The following GRK5 variants were observed in gnomAD, a reference collection of about 807,000 sequenced individuals.
The protein encoded by GRK5 is g protein-coupled receptor kinase GRK5.
In GRK5, 40 loss-of-function variants were observed where a neutral mutation model predicts 78.4. That is an observed-to-expected ratio of 0.51 (90% confidence interval 0.40 to 0.66). The LOEUF (loss-of-function observed/expected upper bound fraction) is 0.66. Ranked by LOEUF, GRK5 falls within the 30% of genes least tolerant of loss-of-function variation. The pLI is 0.00. For synonymous variants in GRK5, 289 were observed against 296.8 expected, an observed-to-expected ratio of 0.97 and a Z score of 0.27; for missense variants, 598 against 759.9, an observed-to-expected ratio of 0.79 and a Z score of 2.50.
chr10:119,397,735 G>A (rs977272131), intron 4 of GRK5, among the ~76,000 whole-genome samples: 5 of 152,222 alleles, frequency 3.3e-5, no homozygotes, highest in Admixed American at 2.6e-4. Flanking sequence ...TGCACCAAAT[G>A]TAGCCCTCGT....
At chr10:119,376,439 A>G (rs1278918666) in intron 2 of GRK5, among the ~76,000 whole-genome samples, 3 of 152,344 alleles carry the variant, frequency 2.0e-5, no homozygotes, top group African/African-American at 7.2e-5. Context: ...ATCAAAAAGC[A>G]GGAGACCTCA....
chr10:119,228,086 G>A (rs1196174802), intron 1 of GRK5, among the ~76,000 whole-genome samples: 1 of 152,080 alleles, frequency 6.6e-6, no homozygotes, highest in Non-Finnish European at 1.5e-5. Flanking sequence ...AATAAATCCT[G>A]GCATATTCAA....
chr10:119,259,771 G>C (rs1849342983), intron 1 of GRK5, among the ~76,000 whole-genome samples: 1 of 152,212 alleles, frequency 6.6e-6, no homozygotes, highest in African/African-American at 2.4e-5. Context: ...AAGGAACTGA[G>C]TTTTTAATTT....
chr10:119,426,564 GAGATA>G (rs1331143275), intron 6 of GRK5, among the ~76,000 whole-genome samples: 1 of 152,198 alleles, frequency 6.6e-6, no homozygotes, highest in African/African-American at 2.4e-5. Flanking sequence ...GGCTGAGGAG[GAGATA>G]AGATAAGCAC....
chr10:119,361,980 AAAAAAAAAAAGAATT>A (rs1331269298), intron 2 of GRK5, among the ~76,000 whole-genome samples: 1 of 140,924 alleles, frequency 7.1e-6, no homozygotes, highest in East Asian at 2.0e-4. Context: ...AAAAAAAAAA[AAAAAAAAAAAGAATT>A]GAAAGGCAGC....
intron 3 of GRK5, among the ~76,000 whole-genome samples, chr10:119,382,447 A>G (rs1564912269): frequency 6.6e-6 from 1 of 152,226 alleles, no homozygotes; most frequent in Non-Finnish European, 1.5e-5. Flanking sequence ...AGCTATAAAA[A>G]GTAAAAGTCG....
At chr10:119,365,359 C>T (rs1020838745) in intron 2 of GRK5, among the ~76,000 whole-genome samples, 3 of 152,138 alleles carry the variant, frequency 2.0e-5, no homozygotes, top group East Asian at 1.9e-4. Context: ...GATTAAAAAA[C>T]GTCTACTTGG....
At chr10:119,312,147 G>A (rs1405937464) in intron 1 of GRK5, among the ~76,000 whole-genome samples, 1 of 152,212 alleles carries the variant, frequency 6.6e-6, no homozygotes, top group African/African-American at 2.4e-5. Context: ...TCCTGACCTC[G>A]TGTGGTGATC....
rs1167740030 is a variant in GRK5 at position 119,455,918 on chromosome 10, C to T, written c.*851C>T. The T allele has an allele frequency of 6.5e-6, 1 of 153,520 alleles. No individual in the cohort carries two copies. Among genetic ancestry groups the T allele is most frequent in the East Asian group, 1.9e-4 (1 of 5,220 alleles). 9.5% of individuals were successfully genotyped at this position (153,520 alleles called of 1,614,324 possible). A position where few individuals can be genotyped will look rare whatever the true frequency, so the allele number is the denominator to read the frequency against. On this transcript the variant is annotated 3_prime_UTR_variant, in exon 16 of 16. Transcript: ENST00000392870. ...TTGCAGCCTGGTGGGCGATGGGCCT[C>T]TTTCCTTCTAAGCAGGTCCTGACTG...
intron 1 of GRK5, among the ~76,000 whole-genome samples, chr10:119,312,494 A>G (rs1281886401): frequency 6.6e-6 from 1 of 152,184 alleles, no homozygotes; most frequent in African/African-American, 2.4e-5. Context: ...ATGAAGTTTT[A>G]TGGGAATACA....
intron 1 of GRK5, among the ~76,000 whole-genome samples, chr10:119,240,556 T>G (rs1253924824): frequency 1.3e-5 from 2 of 152,064 alleles, no homozygotes; most frequent in Non-Finnish European, 2.9e-5. Context: ...ATCTATTGTG[T>G]TTTTGATTTG....
intron 1 of GRK5, among the ~76,000 whole-genome samples, chr10:119,240,133 C>A (rs553856997): frequency 1.3e-5 from 2 of 150,150 alleles, no homozygotes; most frequent in Non-Finnish European, 3.0e-5. Flanking sequence ...ACATTCCCAC[C>A]AACAGTGTAA....
intron 1 of GRK5, among the ~76,000 whole-genome samples, chr10:119,210,941 G>A (rs1220272693): frequency 6.6e-6 from 1 of 152,090 alleles, no homozygotes; most frequent in Non-Finnish European, 1.5e-5. Flanking sequence ...AAGTCTTACC[G>A]TAATAAGACA....
chr10:119,315,803 G>T (rs11198872), intron 1 of GRK5, among the ~76,000 whole-genome samples: 5,834 of 152,272 alleles, frequency 0.038, 230 homozygotes, highest in East Asian at 0.21. Context: ...TGCAGTCACT[G>T]CGACACCTGA....
intron 1 of GRK5, among the ~76,000 whole-genome samples, chr10:119,318,618 C>T (rs4752285): frequency 0.69 from 105,257 of 151,874 alleles, 38,080 homozygotes; most frequent in Non-Finnish European, 0.79. Flanking sequence ...GGCTGTAGGC[C>T]GCTCACTGCT....
chr10:119,330,305 C>T (rs1347144950), intron 2 of GRK5: 2 of 141,846 alleles, frequency 1.4e-5, no homozygotes, highest in East Asian at 4.3e-4. Flanking sequence ...GATCTGATGT[C>T]CTCATCAGTT....
At chr10:119,403,936 G>T (rs1390710438) in intron 4 of GRK5, among the ~76,000 whole-genome samples, 1 of 152,090 alleles carries the variant, frequency 6.6e-6, no homozygotes, top group East Asian at 1.9e-4. Context: ...TGTCCAACCT[G>T]CTTCTATTTT....
At position 119,267,682 on chromosome 10, in the gene GRK5, A is replaced by G. The variant is rs1295485129; in HGVS notation, c.53-58834A>G. Among the ~76,000 whole-genome samples the G allele has an allele frequency of 6.6e-6, 1 of 152,202 alleles. No homozygotes were observed. The highest frequency in any genetic ancestry group is 6.5e-5 in the Admixed American group (1 of 15,288). The stretch of plus-strand genomic sequence containing the variant: ...GAGGTCCAGCACCGCTCGTGGACCC[A>G]AACTGTCCTCCAGGAAAGGCGGGAG... On this transcript the variant is annotated intron_variant, in intron 1 of 15. Coordinates refer to ENST00000392870, the MANE Select transcript of GRK5 (RefSeq NM_005308.3). This position sits in a 1 kb window ranked among gnomAD's most constrained non-coding sequence, Gnocchi z 4.1.
chr10:119,391,614 A>T (rs1589781485), intron 3 of GRK5, among the ~76,000 whole-genome samples: 1 of 151,562 alleles, frequency 6.6e-6, no homozygotes, highest in South Asian at 2.1e-4. Context: ...TCTGGAGAAG[A>T]GGGTCCGGGA....
Sources: gnomAD v4.1 joint callset for allele counts (sites outside exome capture counted in the v4.1 genomes callset) on GRCh38, gnomAD v4.1.1 for gene constraint, Gnocchi (gnomAD v3.1) non-coding constraint, MANE v1.5 for transcripts, NCBI Gene and HGNC (gene_info 2026-07-23, HGNC 2026-07-21) for gene names.